The following CASKIN1 variants were observed in gnomAD, a reference collection of about 807,000 sequenced individuals.
CASKIN1 encodes caskin-1.
Under a neutral mutation model 117.5 loss-of-function variants are expected in CASKIN1, and 42 were observed. The ratio of observed to expected loss-of-function variants is 0.36; its 90% CI spans 0.28 to 0.46. The LOEUF (loss-of-function observed/expected upper bound fraction) is 0.46. CASKIN1 is among the 20% of genes least tolerant of loss of function. The probability of loss-of-function intolerance (pLI) is 1.00; values close to 1 mark genes in which losing one functional copy is unlikely to be tolerated. For missense variants in CASKIN1, 2,083 were observed against 2,077.3 expected (o/e 1.00, Z -0.05); for synonymous variants, 1,148 against 961.7 (o/e 1.19, Z -3.59).
In CASKIN1 at chr16:2,192,522, G is replaced by C. The variant is rs796625652; in HGVS notation, c.95-2164C>G. Among the ~76,000 whole-genome samples the C allele has an allele frequency of 1.8e-4, 27 of 152,212 alleles. 1 individual carries two copies. Among genetic ancestry groups the C allele is most frequent in the African/African-American group, 6.5e-4 (27 of 41,528 alleles). ...CCTGCTGCAGCTACACAGGCCTCCA[G>C]ACGTTCCTCCAACATATCGGCTGCC... On this transcript the variant is annotated intron_variant, in intron 1 of 19. Transcript: ENST00000343516.
Position 2,179,488 on chromosome 16 carries a change from A to C in CASKIN1, c.3775+105T>G. ...GGGTCTGGGGACACGTTCCCACCCC[A>C]CCTGGGCTTCCATCAAACCCAAGAA... On this transcript the variant is annotated intron_variant, in intron 18 of 19. Coordinates refer to ENST00000343516, the MANE Select transcript of CASKIN1 (RefSeq NM_020764.4). The surrounding 1 kb of genome is among the most constrained non-coding windows in gnomAD (Gnocchi z 5.8). 7.2e-7 allele frequency: 1 copy of C among 1,388,804 alleles called. No homozygotes were observed. The highest frequency in any genetic ancestry group is 1.5e-5 in the African/African-American group (1 of 66,330). The allele number at this position is 1,388,804 out of a possible 1,614,324, so 86.0% of individuals were successfully genotyped here.
At chr16:2,194,705 C>T (rs570310905) in intron 1 of CASKIN1, among the ~76,000 whole-genome samples, 1 of 152,298 alleles carries the variant, frequency 6.6e-6, no homozygotes, top group Non-Finnish European at 1.5e-5. Context: ...GAGCCGGGGC[C>T]AGGGCAGGTG....
Position 2,179,114 on chromosome 16 carries a change from C to G in CASKIN1, c.3987G>C (p.Pro1329=), listed in dbSNP as rs1309883933. 2.0e-6 allele frequency: 2 copies of G among 993,936 alleles called. No homozygotes were observed. Among genetic ancestry groups the G allele is most frequent in the Non-Finnish European group, 2.4e-6 (2 of 837,380 alleles). 61.6% of individuals were successfully genotyped at this position (993,936 alleles called of 1,614,324 possible). A position where few individuals can be genotyped will look rare whatever the true frequency, so the allele number is the denominator to read the frequency against. Residue 1329 remains proline (P), a synonymous_variant, in exon 19 of 20, where the codon CCG becomes CCC. Transcript: ENST00000343516. The surrounding 1 kb of genome is among the most constrained non-coding windows in gnomAD (Gnocchi z 5.8). The part of the protein sequence containing the change: ...PSLGASPAKP[P]SPGAPALHVP... ...CGTGCAGCGCGGGCGCGCCGGGGGA[C>G]GGGGGCTTGGCGGGGCTGGCGCCCA...
rs1398253436 is a variant in CASKIN1, at chr16:2,183,719, G to A, written c.1556C>T (p.Pro519Leu). ...TGCCGCGATCTTCTTCCGGTGGCCC[G>A]GCTTGGTGACACCAATGGCCGTGAG... ...EDLTAIGVTK[P>L]GHRKKIAAEI... The change falls in exon 16 of 20, where the codon CCG becomes CTG. Residue 519 changes from proline to leucine, a missense_variant. Physicochemically the swap from Pro to Leu is moderately conservative, Grantham distance 98. This residue lies in a region of CASKIN1 where 1,818 missense variants were observed against 1,688.9 expected (regional missense o/e 1.08). Coordinates refer to ENST00000343516, the MANE Select transcript of CASKIN1 (RefSeq NM_020764.4). 13 of 1,613,244 alleles carry A rather than the reference G, an allele frequency of 8.1e-6. No homozygotes were observed. Among genetic ancestry groups the A allele is most frequent in the South Asian group, 5.5e-5 (5 of 91,094 alleles).
At chr16:2,190,425 G>T in intron 1 of CASKIN1, 67 bp from the exon 2 acceptor site, 1 of 1,428,218 alleles carries the variant, frequency 7.0e-7, no homozygotes, top group South Asian at 1.2e-5. Flanking sequence ...TGAGGGCAGG[G>T]AGAGGGGGCC....
Position 2,180,815 on chromosome 16 carries a change from A to G in CASKIN1, c.2553T>C (p.Pro851=). Residue 851 remains proline (P), a synonymous_variant, in exon 18 of 20, where the codon CCT becomes CCC. Transcript: ENST00000343516. Reference sequence around the variant, plus strand: ...CAGCCGTCGGCACGGGTGGGGGCGCAGGCCCCGGGGCAGCCGGCCCCACCT... The same window carrying G: ...CAGCCGTCGGCACGGGTGGGGGCGCGGGCCCCGGGGCAGCCGGCCCCACCT... ...EGEVGPAAPG[P]APPPVPTAVP... The G allele has an allele frequency of 1.4e-6, 2 of 1,394,312 alleles. No individual in the cohort carries two copies. Among genetic ancestry groups the G allele is most frequent in the Non-Finnish European group, 1.8e-6 (2 of 1,082,404 alleles). 86.4% of individuals were successfully genotyped at this position (1,394,312 alleles called of 1,614,324 possible). A position where few individuals can be genotyped will look rare whatever the true frequency, so the allele number is the denominator to read the frequency against.
chr16:2,190,116 C>T lies in CASKIN1; in HGVS notation c.201G>A (p.Leu67=), dbSNP rs1264828938. The T allele has an allele frequency of 6.2e-7, 1 of 1,613,038 alleles. No homozygotes were observed. The highest frequency in any genetic ancestry group is 1.1e-5 in the South Asian group (1 of 91,090). Residue 67 remains leucine (L), a synonymous_variant, in exon 3 of 20, where the codon CTG becomes CTA. Coordinates refer to ENST00000343516, the MANE Select transcript of CASKIN1 (RefSeq NM_020764.4). The part of the protein sequence containing the change: ...ALNGNTELIS[L]LLEAQAAVDI... Reference sequence around the variant, plus strand: ...CCACAGCGGCCTGGGCCTCCAGCAGCAGGCTGATCAATTCCGTGTTGCCGT... The same window carrying T: ...CCACAGCGGCCTGGGCCTCCAGCAGTAGGCTGATCAATTCCGTGTTGCCGT...
rs1021664196 is a variant in CASKIN1 at position 2,182,059 on chromosome 16, C to T, written c.1630-130G>A. Reference sequence around the variant, plus strand: ...CAGACAGGAGGACAAACGGATAGGCCGAGGTATTGGCACCAGAAATGTAGG... The same window carrying T: ...CAGACAGGAGGACAAACGGATAGGCTGAGGTATTGGCACCAGAAATGTAGG... On this transcript the variant is annotated intron_variant, in intron 16 of 19. Transcript: ENST00000343516. The surrounding 1 kb of genome is among the most constrained non-coding windows in gnomAD (Gnocchi z 4.1). 7.1e-5 allele frequency: 92 copies of T among 1,303,180 alleles called. No individual in the cohort carries two copies. Among genetic ancestry groups the T allele is most frequent in the Non-Finnish European group, 8.5e-5 (80 of 939,974 alleles). The allele number at this position is 1,303,180 out of a possible 1,614,324, so 80.7% of individuals were successfully genotyped here.
At chr16:2,183,797 C>T (rs997523237) in intron 15 of CASKIN1, 34 bp downstream of exon 15, 9 of 1,611,418 alleles carry the variant, frequency 5.6e-6, no homozygotes, top group East Asian at 2.2e-5. Context: ...ATCTGTGGGA[C>T]GCAGCTGGCG....
rs781658400 is a variant in CASKIN1 at position 2,179,716 on chromosome 16, C to T, written c.3652G>A (p.Ala1218Thr). 2.6e-6 allele frequency: 4 copies of T among 1,530,616 alleles called. No individual in the cohort carries two copies. The highest frequency in any genetic ancestry group is 1.4e-5 in the African/African-American group (1 of 72,544). 94.8% of individuals were successfully genotyped at this position (1,530,616 alleles called of 1,614,324 possible). A position where few individuals can be genotyped will look rare whatever the true frequency, so the allele number is the denominator to read the frequency against. ...ACAGGCGGCTTGGCCGGCTTCCGGGCTTCGCCCTCGGGCGGGGGCAATGGG... is the reference window on the plus strand; with the variant it reads ...ACAGGCGGCTTGGCCGGCTTCCGGGTTTCGCCCTCGGGCGGGGGCAATGGG... ...LPPLPPPEGE[A>T]RKPAKPPVSP... Residue 1218 changes from alanine (A) to threonine (T), a missense_variant, in exon 18 of 20, where the codon GCC (alanine) becomes ACC (threonine). Ala to Thr is a moderately conservative substitution (Grantham distance 58, BLOSUM62 0). This residue lies in a region of CASKIN1 where 1,818 missense variants were observed against 1,688.9 expected (regional missense o/e 1.08). Transcript: ENST00000343516. This position sits in a 1 kb window ranked among gnomAD's most constrained non-coding sequence, Gnocchi z 5.8.
At position 2,196,330 on chromosome 16, in the gene CASKIN1, G is replaced by A. The variant is rs1258669382; in HGVS notation, c.94+9C>T. ...GCTCCCACCCGCGCCCCGCGCCCCC[G>A]GCACTCACTGGCCTTCCCGGGCCGC... is the stretch of plus-strand genomic sequence containing the variant. On this transcript the variant is annotated intron_variant, in intron 1 of 19. Transcript: ENST00000343516. The surrounding 1 kb of genome is among the most constrained non-coding windows in gnomAD (Gnocchi z 5.7). 4 of 1,227,422 alleles carry A rather than the reference G, an allele frequency of 3.3e-6. No individual in the cohort carries two copies. Among genetic ancestry groups the A allele is most frequent in the Admixed American group, 3.8e-5 (1 of 26,654 alleles). The allele number at this position is 1,227,422 out of a possible 1,614,324, so 76.0% of individuals were successfully genotyped here. A position where few individuals can be genotyped will look rare whatever the true frequency, so the allele number is the denominator to read the frequency against.
In CASKIN1 at chr16:2,184,887, G is replaced by A; in HGVS notation, c.1325-19C>T. ...GCCACACCTGAGGACGAGAGTGGGT[G>A]GGGGACAAGGGCTGTCGGGCTGCTT... On this transcript the variant is annotated intron_variant, in intron 13 of 19. Transcript: ENST00000343516. 1 of 1,575,796 alleles carries A rather than the reference G, an allele frequency of 6.3e-7. No homozygotes were observed. Among genetic ancestry groups the A allele is most frequent in the Non-Finnish European group, 8.6e-7 (1 of 1,157,204 alleles).
chr16:2,189,270 G>A lies in CASKIN1; in HGVS notation c.454C>T (p.Leu152=). Residue 152 remains leucine, a synonymous_variant, in exon 5 of 20, where the codon CTG becomes TTG. Transcript: ENST00000343516. Reference sequence around the variant, plus strand: ...CGGCCGAACTCGCAGGCCAGGTCCAGGGGCGTCTTCCCCGAGTTGTCCACC... The same window carrying A: ...CGGCCGAACTCGCAGGCCAGGTCCAAGGGCGTCTTCCCCGAGTTGTCCACC... ...CMVDNSGKTP[L]DLACEFGRVG... is the part of the protein sequence containing the mutation. 1 of 1,613,304 alleles carries A rather than the reference G, an allele frequency of 6.2e-7. No homozygotes were observed. Among genetic ancestry groups the A allele is most frequent in the Non-Finnish European group, 8.5e-7 (1 of 1,179,918 alleles).
chr16:2,195,307 A>C (rs895216385), intron 1 of CASKIN1, among the ~76,000 whole-genome samples: 1 of 152,066 alleles, frequency 6.6e-6, no homozygotes, highest in African/African-American at 2.4e-5. Flanking sequence ...AGCCAGTCCC[A>C]GTTCTCGGCA....
At chr16:2,178,703 C>A in intron 19 of CASKIN1, 57 bp from the exon 20 acceptor site, 1 of 1,487,184 alleles carries the variant, frequency 6.7e-7, no homozygotes, top group Non-Finnish European at 9.0e-7. Context: ...CCACGCCCAC[C>A]CCGACCAGGA....
chr16:2,189,568 G>C lies in CASKIN1; in HGVS notation c.245-4C>G, dbSNP rs752699071. On this transcript the variant is annotated splice_region_variant and splice_polypyrimidine_tract_variant and intron_variant, in intron 3 of 19. Coordinates refer to ENST00000343516, the MANE Select transcript of CASKIN1 (RefSeq NM_020764.4). ...GCATAGTGCAGCGGCCGCATGCCTG[G>C]GGGGCGAGGGGATGCTGGGAGCTGA... 1.9e-6 allele frequency: 3 copies of C among 1,595,260 alleles called. No homozygotes were observed. The African/African-American group carries it at 4.0e-5, about 21-fold the overall frequency.
Position 2,181,089 on chromosome 16 carries a change from G to A in CASKIN1, c.2279C>T (p.Pro760Leu). Residue 760 changes from proline to leucine, a missense_variant, in exon 18 of 20, where the codon CCT becomes CTT. Pro to Leu is a moderately conservative substitution (Grantham distance 98, BLOSUM62 -3). Around this residue, in one of 3 missense-constraint regions of CASKIN1, gnomAD observed 1,818 missense variants for 1,688.9 expected, o/e 1.08. Coordinates refer to ENST00000343516, the MANE Select transcript of CASKIN1 (RefSeq NM_020764.4). ...SIKRASVPPV[P>L]GKPRQVLPPG... is the part of the protein sequence containing the mutation. ...TGGGAGGACCTGCCGTGGCTTGCCA[G>A]GCACGGGGGGCACGCTGGCCCTCTT... The A allele has an allele frequency of 6.8e-7, 1 of 1,478,432 alleles. No homozygotes were observed. The highest frequency in any genetic ancestry group is 8.9e-7 in the Non-Finnish European group (1 of 1,121,706). 91.6% of individuals were successfully genotyped at this position (1,478,432 alleles called of 1,614,324 possible).
At position 2,181,073 on chromosome 16, in the gene CASKIN1, C is replaced by G; in HGVS notation, c.2295G>C (p.Gln765His). ...SVPPVPGKPR[Q>H]VLPPGTSHFT... ...AGTGGCTAGTGCCTGGTGGGAGGACCTGCCGTGGCTTGCCAGGCACGGGGG... is the reference window on the plus strand; with the variant it reads ...AGTGGCTAGTGCCTGGTGGGAGGACGTGCCGTGGCTTGCCAGGCACGGGGG... Residue 765 changes from glutamine to histidine, a missense_variant, in exon 18 of 20, where the codon CAG (glutamine) becomes CAC (histidine). Coordinates refer to ENST00000343516, the MANE Select transcript of CASKIN1 (RefSeq NM_020764.4). 1 of 1,487,724 alleles carries G rather than the reference C, an allele frequency of 6.7e-7. No homozygotes were observed. Among genetic ancestry groups the G allele is most frequent in the South Asian group, 1.4e-5 (1 of 72,348 alleles). 92.2% of individuals were successfully genotyped at this position (1,487,724 alleles called of 1,614,324 possible). A position where few individuals can be genotyped will look rare whatever the true frequency, so the allele number is the denominator to read the frequency against.
chr16:2,184,668 C>T, intron 14 of CASKIN1, 109 bp downstream of exon 14: 1 of 956,914 alleles, frequency 1.0e-6, no homozygotes, highest in East Asian at 2.9e-5. Context: ...TGGCAATGCC[C>T]CCGACCCCGC....
Sources: allele counts gnomAD v4.1 joint callset (sites outside exome capture counted in the v4.1 genomes callset), GRCh38; gene constraint gnomAD v4.1.1; regional missense constraint gnomAD v4.1.1; non-coding constraint Gnocchi (gnomAD v3.1); transcripts MANE v1.5; gene names NCBI Gene and HGNC (gene_info 2026-07-23, HGNC 2026-07-21).